Variants in PDE3A observed in about 807,000 individuals in gnomAD.
PDE3A encodes phosphodiesterase 3A.
A neutral mutation model predicts 98.3 loss-of-function variants in PDE3A; 43 were observed. The ratio of observed to expected loss-of-function variants is 0.44; its 90% CI spans 0.34 to 0.56. The LOEUF (loss-of-function observed/expected upper bound fraction) is 0.56. Ranked by LOEUF, PDE3A falls within the 20% of genes least tolerant of loss-of-function variation. PDE3A has a pLI of 0.01. For missense variants in PDE3A, 1,427 were observed against 1,440.7 expected (o/e 0.99, Z 0.15); for synonymous variants, 663 against 567.9 (o/e 1.17, Z -2.38).
rs769885492 is a variant in PDE3A at position 20,369,896 on chromosome 12, G to A, written c.612G>A (p.Leu204=). The change falls in exon 1 of 16, where the codon CTG becomes CTA. Residue 204 remains leucine, a synonymous_variant. Transcript: ENST00000359062. ...VLSCLAAATW[L]VLRLRLGVLM... ...GCTGCTTGGCCGCCGCGACATGGCT[G>A]GTGCTGAGGCTGAGGCTGGGCGTCC... 1 of 1,613,406 alleles carries A rather than the reference G, an allele frequency of 6.2e-7. No homozygotes were observed. The highest frequency in any genetic ancestry group is 1.7e-5 in the Admixed American group (1 of 60,020).
chr12:20,651,783 T>C (rs1357475241), intron 14 of PDE3A, among the ~76,000 whole-genome samples: 1 of 152,186 alleles, frequency 6.6e-6, no homozygotes, highest in African/African-American at 2.4e-5. Context: ...TTTATTTTAT[T>C]ATACTTTAAG....
chr12:20,450,225 C>T (rs1945040428), intron 1 of PDE3A: 1 of 243,366 alleles, frequency 4.1e-6, no homozygotes, highest in Non-Finnish European at 8.0e-6. Context: ...TGAGTGCTTA[C>T]TAGAGTTGTC....
chr12:20,546,094 T>C (rs767051249), intron 1 of PDE3A, among the ~76,000 whole-genome samples: 1 of 151,990 alleles, frequency 6.6e-6, no homozygotes, highest in Non-Finnish European at 1.5e-5. Context: ...TTGTAAATTA[T>C]GATATGCAGG....
At position 20,685,825 on chromosome 12, in the gene PDE3A, T is replaced by C. The variant is rs999656658; in HGVS notation, c.*5554T>C. Among the ~76,000 whole-genome samples, 3 of 152,190 alleles carry C rather than the reference T, an allele frequency of 2.0e-5. No individual in the cohort carries two copies. Among genetic ancestry groups the C allele is most frequent in the African/African-American group, 7.2e-5 (3 of 41,448 alleles). On this transcript the variant is annotated 3_prime_UTR_variant, in exon 16 of 16. Coordinates refer to ENST00000359062, the MANE Select transcript of PDE3A (RefSeq NM_000921.5). ...TGACAATGAAGCAATGATTTCCTCA[T>C]TGCTTTGCATTAAGAAGTGGTTCTT... is the stretch of plus-strand genomic sequence containing the variant.
chr12:20,539,679 C>G (rs1941845225), intron 1 of PDE3A, among the ~76,000 whole-genome samples: 1 of 151,924 alleles, frequency 6.6e-6, no homozygotes. Flanking sequence ...CAGAAAGTGT[C>G]CTGAGGAAGT....
chr12:20,418,712 C>T (rs1035714108), intron 1 of PDE3A, among the ~76,000 whole-genome samples: 4 of 151,722 alleles, frequency 2.6e-5, no homozygotes, highest in East Asian at 1.9e-4. Flanking sequence ...GAAATAAGAG[C>T]GTAAAATAAT....
At chr12:20,562,394 GT>G (rs1942548888) in intron 2 of PDE3A, among the ~76,000 whole-genome samples, 1 of 151,540 alleles carries the variant, frequency 6.6e-6, no homozygotes, top group South Asian at 2.1e-4. Context: ...TAATTTTTGT[GT>G]TTTTAATAGA....
chr12:20,675,090 T>C (rs2120457458), intron 15 of PDE3A, among the ~76,000 whole-genome samples: 2 of 152,184 alleles, frequency 1.3e-5, no homozygotes, highest in African/African-American at 4.8e-5. Flanking sequence ...TAAACTTCCT[T>C]TTGACTACTA....
rs761829609 is a variant in PDE3A at position 20,621,273 on chromosome 12, TTCTG to T, written c.1425-19_1425-16del. 49 of 1,292,312 alleles carry T rather than the reference TTCTG, an allele frequency of 3.8e-5. 1 individual carries two copies. In the Middle Eastern group the frequency reaches 7.4e-4, roughly 19 times the overall value. The allele number at this position is 1,292,312 out of a possible 1,614,324, so 80.1% of individuals were successfully genotyped here. A position where few individuals can be genotyped will look rare whatever the true frequency, so the allele number is the denominator to read the frequency against. On this transcript the variant is annotated intron_variant, in intron 4 of 15. Coordinates refer to ENST00000359062, the MANE Select transcript of PDE3A (RefSeq NM_000921.5). ...AATAATTTGTTTAATTTTCTTTTAA[TTCTG>T]TCTTTCTGGTGCTTTTAGTCCTGAT...
chr12:20,530,629 A>C (rs1430723247), intron 1 of PDE3A, among the ~76,000 whole-genome samples: 1 of 152,062 alleles, frequency 6.6e-6, no homozygotes, highest in Non-Finnish European at 1.5e-5. Flanking sequence ...CATCACGCCT[A>C]GCTTAAAATA....
At chr12:20,582,490 A>G (rs1943091323) in intron 2 of PDE3A, among the ~76,000 whole-genome samples, 1 of 152,170 alleles carries the variant, frequency 6.6e-6, no homozygotes, top group African/African-American at 2.4e-5. Context: ...TTTGATGGAA[A>G]TAACACATGC....
At chr12:20,423,643 G>T (rs764853626) in intron 1 of PDE3A, among the ~76,000 whole-genome samples, 1 of 152,074 alleles carries the variant, frequency 6.6e-6, no homozygotes, top group Non-Finnish European at 1.5e-5. Flanking sequence ...TTTAGAGCTG[G>T]TGAGTGGCTA....
rs1944207490 is a variant in PDE3A at position 20,405,015 on chromosome 12, T to TGAGA, written c.960+34778_960+34781dup. Among the ~76,000 whole-genome samples the TGAGA allele has an allele frequency of 3.3e-5, 5 of 151,986 alleles. No homozygotes were observed. The South Asian group carries it at 1.0e-3, about 32-fold the overall frequency. On this transcript the variant is annotated intron_variant, in intron 1 of 15. Coordinates refer to ENST00000359062, the MANE Select transcript of PDE3A (RefSeq NM_000921.5). Reference sequence around the variant, plus strand: ...AATTTATTTTGACAGACTGCTTTATTGAGAGAGAGAATGAATATAGGATCA... The same window carrying TGAGA: ...AATTTATTTTGACAGACTGCTTTATTGAGAGAGAGAGAGAATGAATATAGGATCA...
intron 1 of PDE3A, among the ~76,000 whole-genome samples, chr12:20,416,598 A>G (rs1944425678): frequency 6.6e-6 from 1 of 152,220 alleles, no homozygotes; most frequent in African/African-American, 2.4e-5. Context: ...CACGTGCTAT[A>G]TAAAACATAA....
In PDE3A at chr12:20,618,003, A is replaced by T. The variant is rs148818870; in HGVS notation, c.1424+1619A>T. 7.6e-3 allele frequency among the ~76,000 whole-genome samples: 1,163 copies of T among 152,282 alleles called. 11 individuals carry two copies. The highest frequency in any genetic ancestry group is 0.044 in the Middle Eastern group (13 of 294). On this transcript the variant is annotated intron_variant, in intron 4 of 15. Coordinates refer to ENST00000359062, the MANE Select transcript of PDE3A (RefSeq NM_000921.5). ...TAAGGAAAATACTTACAATAGAAAT[A>T]AGGAATAGCATACAATTCCATTCAT...
In PDE3A at chr12:20,369,707, T is replaced by A; in HGVS notation, c.423T>A (p.Cys141Ter). The change falls in exon 1 of 16, where the codon TGT becomes TGA. Residue 141 changes from cysteine (C) to a stop codon, truncating the protein, a stop_gained. Coordinates refer to ENST00000359062, the MANE Select transcript of PDE3A (RefSeq NM_000921.5). LOFTEE classifies it high-confidence loss of function. ...QPSALLFSLL[C>*]AFFWMGLYLL... The stretch of plus-strand genomic sequence containing the variant: ...CGGCGCTGCTCTTCAGTCTCCTGTG[T>A]GCCTTCTTCTGGATGGGCTTGTACC... 1 of 1,612,164 alleles carries A rather than the reference T, an allele frequency of 6.2e-7. No individual in the cohort carries two copies. The highest frequency in any genetic ancestry group is 1.3e-5 in the African/African-American group (1 of 75,026).
intron 2 of PDE3A, among the ~76,000 whole-genome samples, chr12:20,588,164 G>T (rs117767779): frequency 1.3e-5 from 2 of 152,132 alleles, no homozygotes; most frequent in Non-Finnish European, 2.9e-5. Flanking sequence ...GCCTGCTGAC[G>T]TCAACGAAAT....
At chr12:20,405,332 C>T (rs937163432) in intron 1 of PDE3A, among the ~76,000 whole-genome samples, 1 of 152,140 alleles carries the variant, frequency 6.6e-6, no homozygotes, top group African/African-American at 2.4e-5. Context: ...CTGCCAGATT[C>T]CTTCCCACCT....
intron 1 of PDE3A, among the ~76,000 whole-genome samples, chr12:20,436,545 A>T (rs1944781876): frequency 6.6e-6 from 1 of 152,144 alleles, no homozygotes; most frequent in South Asian, 2.1e-4. Flanking sequence ...ATTAGGGAGA[A>T]AAATATTTAG....
Sources: gnomAD v4.1 joint callset for allele counts (sites outside exome capture counted in the v4.1 genomes callset) on GRCh38, gnomAD v4.1.1 for gene constraint, MANE v1.5 for transcripts, NCBI Gene and HGNC (gene_info 2026-07-23, HGNC 2026-07-21) for gene names.